ASF1B: variants seen among roughly 807,000 people sequenced by gnomAD.
ASF1B encodes the protein histone chaperone ASF1B.
ASF1B carries 10 observed loss-of-function variants against 16.6 expected under a neutral mutation model. The observed-to-expected ratio is 0.60, with a 90% CI of 0.37 to 1.02. The LOEUF (loss-of-function observed/expected upper bound fraction) is 1.02. Ranked by LOEUF, ASF1B falls within the 50% of genes least tolerant of loss-of-function variation. ASF1B has a pLI of 0.01. For missense variants in ASF1B, 240 were observed against 266.0 expected (o/e 0.90, Z 0.68); for synonymous variants, 101 against 106.2 (o/e 0.95, Z 0.30).
rs1398368804 is a variant in ASF1B, at chr19:14,120,650, A to G, written c.418T>C (p.Leu140=). 2 of 1,614,064 alleles carry G rather than the reference A, an allele frequency of 1.2e-6. No individual in the cohort carries two copies. Among genetic ancestry groups the G allele is most frequent in the Admixed American group, 1.7e-5 (1 of 60,002 alleles). ...CGGGTCACCCGGGGGTTCGAGGCCAAGATGTTCCGCTGGAGCTGGGGCAGG... is the reference window on the plus strand; with the variant it reads ...CGGGTCACCCGGGGGTTCGAGGCCAGGATGTTCCGCTGGAGCTGGGGCAGG... ...PDFSQLQRNI[L]ASNPRVTRFH... Residue 140 remains leucine, a synonymous_variant, in exon 4 of 4, where the codon TTG becomes CTG. Transcript: ENST00000263382.
chr19:14,131,515 C>T (rs1179532787), intron 1 of ASF1B, among the ~76,000 whole-genome samples: 1 of 140,666 alleles, frequency 7.1e-6, no homozygotes, highest in East Asian at 2.1e-4. Flanking sequence ...TGGAGTCTTG[C>T]TTTGTTGCCC....
intron 1 of ASF1B, among the ~76,000 whole-genome samples, 191 bp from the exon 2 acceptor site, chr19:14,126,428 C>A (rs547829123): frequency 6.6e-6 from 1 of 152,152 alleles, no homozygotes; most frequent in East Asian, 1.9e-4. Flanking sequence ...CCTCAGCCTC[C>A]CGAGTGGCTG....
At chr19:14,124,679 G>T (rs1967292431) in intron 2 of ASF1B, among the ~76,000 whole-genome samples, 1 of 152,160 alleles carries the variant, frequency 6.6e-6, no homozygotes, top group African/African-American at 2.4e-5. Flanking sequence ...TACCACGCCT[G>T]TTCCCACCTG....
At chr19:14,122,328 A>G (rs895226377) in intron 2 of ASF1B, among the ~76,000 whole-genome samples, 1 of 151,548 alleles carries the variant, frequency 6.6e-6, no homozygotes, top group East Asian at 1.9e-4. Flanking sequence ...CGGCCTCCCA[A>G]AGTGTTGGGA....
intron 1 of ASF1B, among the ~76,000 whole-genome samples, chr19:14,132,899 T>C (rs994503070): frequency 8.6e-5 from 13 of 151,468 alleles, no homozygotes; most frequent in African/African-American, 3.2e-4. Flanking sequence ...GGCGGGCGGA[T>C]CACAAGGTCA....
chr19:14,124,240 A>T (rs1967285332), intron 2 of ASF1B, among the ~76,000 whole-genome samples: 1 of 151,938 alleles, frequency 6.6e-6, no homozygotes, highest in African/African-American at 2.4e-5. Flanking sequence ...TGTAGCCTCA[A>T]ACTCTCAGGC....
In ASF1B at chr19:14,126,461, C is replaced by T. The variant is rs149537882; in HGVS notation, c.110-224G>A. Among the ~76,000 whole-genome samples the T allele has an allele frequency of 9.5e-4, 145 of 152,036 alleles. No homozygotes were observed. The Middle Eastern group carries it at 0.014, about 14-fold the overall frequency. On this transcript the variant is annotated intron_variant, in intron 1 of 3. Transcript: ENST00000263382. ...CTGGGATTATAGGTGCCCGCTGCCA[C>T]GCCTAGCTAATTTTTTTTTTCTTTT...
At chr19:14,135,191 T>G (rs1599361313) in intron 1 of ASF1B, among the ~76,000 whole-genome samples, 1 of 131,832 alleles carries the variant, frequency 7.6e-6, no homozygotes, top group African/African-American at 3.0e-5. Flanking sequence ...GCCATTGCAC[T>G]CCAGCCTGGG....
chr19:14,130,505 TAAA>T (rs201790325), intron 1 of ASF1B, among the ~76,000 whole-genome samples: 1 of 137,984 alleles, frequency 7.2e-6, no homozygotes, highest in African/African-American at 2.7e-5. Flanking sequence ...CCTATCTCTT[TAAA>T]AAAAAAAAAA....
intron 1 of ASF1B, among the ~76,000 whole-genome samples, chr19:14,135,221 CAA>C (rs34683519): frequency 2.2e-4 from 12 of 54,788 alleles, no homozygotes; most frequent in African/African-American, 4.0e-4. Flanking sequence ...GAGACTGTCT[CAA>C]AAAAAAAAAA....
intron 1 of ASF1B, among the ~76,000 whole-genome samples, chr19:14,134,359 C>G (rs1967453817): frequency 6.6e-6 from 1 of 152,044 alleles, no homozygotes; most frequent in Non-Finnish European, 1.5e-5. Flanking sequence ...GCGAGAGAGA[C>G]CGGGGAGAGA....
intron 1 of ASF1B, among the ~76,000 whole-genome samples, chr19:14,134,514 C>A (rs1253766124): frequency 6.6e-6 from 1 of 151,928 alleles, no homozygotes; most frequent in Non-Finnish European, 1.5e-5. Context: ...GCCCCCAGAT[C>A]ACCACCTCCT....
At chr19:14,127,520 G>A (rs534062710) in intron 1 of ASF1B, among the ~76,000 whole-genome samples, 6 of 152,208 alleles carry the variant, frequency 3.9e-5, no homozygotes, top group African/African-American at 1.4e-4. Context: ...GCAGGAGGGG[G>A]AAGGTGAGGT....
rs770115322 is a variant in ASF1B at position 14,134,574 on chromosome 19, G to GA, written c.109+1773_109+1774insT. ...CCACCAAGTAGAAAAATGGCCTAAT[G>GA]GAGTACTTCTTCCTGAAAGCAGGAC... On this transcript the variant is annotated intron_variant, in intron 1 of 3. Coordinates refer to ENST00000263382, the MANE Select transcript of ASF1B (RefSeq NM_018154.3). 4.9e-4 allele frequency among the ~76,000 whole-genome samples: 75 copies of GA among 152,194 alleles called. 2 individuals are homozygous for GA. The highest frequency in any genetic ancestry group is 6.8e-3 in the Middle Eastern group (2 of 294).
At chr19:14,133,604 G>A (rs936535993) in intron 1 of ASF1B, among the ~76,000 whole-genome samples, 3 of 151,074 alleles carry the variant, frequency 2.0e-5, no homozygotes, top group African/African-American at 7.3e-5. Context: ...GGAGGTGGAG[G>A]TTGCAGTGAG....
chr19:14,123,019 G>A (rs1457562885), intron 2 of ASF1B, among the ~76,000 whole-genome samples: 1 of 152,206 alleles, frequency 6.6e-6, no homozygotes, highest in African/African-American at 2.4e-5. Flanking sequence ...CAGATTCAGG[G>A]TGTACTACTG....
chr19:14,136,532 C>T lies in ASF1B; in HGVS notation c.-76G>A. On this transcript the variant is annotated 5_prime_UTR_variant, in exon 1 of 4. Transcript: ENST00000263382. ...AGGCCGCGCCTGGGTCCGGTGGGGTCAGTGGGGTAGGGCTGACCAGGTCCA... is the reference window on the plus strand; with the variant it reads ...AGGCCGCGCCTGGGTCCGGTGGGGTTAGTGGGGTAGGGCTGACCAGGTCCA... The T allele has an allele frequency of 1.5e-6, 2 of 1,335,516 alleles. No homozygotes were observed. Among genetic ancestry groups the T allele is most frequent in the Non-Finnish European group, 2.1e-6 (2 of 953,432 alleles). The allele number at this position is 1,335,516 out of a possible 1,614,324, so 82.7% of individuals were successfully genotyped here. A position where few individuals can be genotyped will look rare whatever the true frequency, so the allele number is the denominator to read the frequency against.
intron 3 of ASF1B, 83 bp downstream of exon 3, chr19:14,121,449 T>C: frequency 2.1e-6 from 3 of 1,461,280 alleles, no homozygotes; most frequent in Non-Finnish European, 2.8e-6. Flanking sequence ...AGAAGTGACC[T>C]TGACTCTCAA....
At chr19:14,120,941 C>G (rs1296657674) in intron 3 of ASF1B, among the ~76,000 whole-genome samples, 1 of 152,126 alleles carries the variant, frequency 6.6e-6, no homozygotes, top group Non-Finnish European at 1.5e-5. Flanking sequence ...TTGCCTCAGC[C>G]TCCTGTGTAG....
Sources: gnomAD v4.1 joint callset for allele counts (sites outside exome capture counted in the v4.1 genomes callset) on GRCh38, gnomAD v4.1.1 for gene constraint, MANE v1.5 for transcripts, NCBI Gene and HGNC (gene_info 2026-07-23, HGNC 2026-07-21) for gene names.